The following TMEM94 variants were observed in gnomAD, a reference collection of about 807,000 sequenced individuals.
TMEM94 encodes transmembrane protein 94.
In TMEM94, 81 loss-of-function variants were observed where a neutral mutation model predicts 158.6. The ratio of observed to expected loss-of-function variants is 0.51; its 90% CI spans 0.43 to 0.61. The LOEUF is 0.61. TMEM94 is among the 20% of genes least tolerant of loss of function. TMEM94 has a pLI of 0.00. For missense variants in TMEM94, 1,435 were observed against 1,762.0 expected, an observed-to-expected ratio of 0.81 and a Z score of 3.32; for synonymous variants, 751 against 730.7, an observed-to-expected ratio of 1.03 and a Z score of -0.45.
intron 1 of TMEM94, among the ~76,000 whole-genome samples, chr17:75,464,965 C>G (rs2050251694): frequency 1.3e-5 from 2 of 151,934 alleles, no homozygotes; most frequent in African/African-American, 4.8e-5. Context: ...TCCCAAAGTG[C>G]TGGGATTACA....
chr17:75,459,257 A>T (rs2049992134), intron 1 of TMEM94, among the ~76,000 whole-genome samples: 1 of 152,162 alleles, frequency 6.6e-6, no homozygotes, highest in South Asian at 2.1e-4. Flanking sequence ...GGAGTAGTGC[A>T]ATGACCAGGG....
chr17:75,493,921 C>T lies in TMEM94; in HGVS notation c.2407+5C>T, dbSNP rs1378380667. ...GCAGCAGCTGGAGCTCTGACGGTAC[C>T]TCATGGGTCTGTCCAGCGGGGCTGG... On this transcript the variant is annotated splice_donor_5th_base_variant and intron_variant, in intron 18 of 31. Transcript: ENST00000314256. The T allele has an allele frequency of 6.2e-7, 1 of 1,609,816 alleles. No individual in the cohort carries two copies. The highest frequency in any genetic ancestry group is 8.5e-7 in the Non-Finnish European group (1 of 1,179,450).
intron 18 of TMEM94, among the ~76,000 whole-genome samples, 193 bp downstream of exon 18, chr17:75,494,109 T>A (rs2052468836): frequency 6.6e-6 from 1 of 152,192 alleles, no homozygotes; most frequent in African/African-American, 2.4e-5. Context: ...TCCTCCCTTA[T>A]CAGTGGGTGC....
rs1470540401 is a variant in TMEM94 at position 75,498,606 on chromosome 17, C to T, written c.3734-23C>T. On this transcript the variant is annotated intron_variant, in intron 29 of 31. Transcript: ENST00000314256. The surrounding 1 kb of genome is among the most constrained non-coding windows in gnomAD (Gnocchi z 6.7). ...GAGCCCCACTGTGGAAGTCTGACCC[C>T]CACATCGCCCCACCTTCCCCAGTCT... is the stretch of plus-strand genomic sequence containing the variant. The T allele has an allele frequency of 6.2e-7, 1 of 1,612,524 alleles. No individual in the cohort carries two copies. Among genetic ancestry groups the T allele is most frequent in the Non-Finnish European group, 8.5e-7 (1 of 1,179,340 alleles).
intron 2 of TMEM94, chr17:75,476,615 C>G: frequency 5.2e-6 from 8 of 1,526,436 alleles, no homozygotes; most frequent in Non-Finnish European, 7.0e-6. Flanking sequence ...CTCTCTCTCT[C>G]TTTTCACCCT....
chr17:75,489,036 G>A lies in TMEM94; in HGVS notation c.764+126G>A. 1.9e-6 allele frequency: 2 copies of A among 1,071,010 alleles called. No homozygotes were observed. The highest frequency in any genetic ancestry group is 2.7e-6 in the Non-Finnish European group (2 of 734,598). 66.3% of individuals were successfully genotyped at this position (1,071,010 alleles called of 1,614,324 possible). ...AGGGCAGGCATCTCCTTAGGCTCCTGTCCTTAACATCTTGTGAGAATTCTT... is the reference window on the plus strand; with the variant it reads ...AGGGCAGGCATCTCCTTAGGCTCCTATCCTTAACATCTTGTGAGAATTCTT... On this transcript the variant is annotated intron_variant, in intron 7 of 31. Coordinates refer to ENST00000314256, the MANE Select transcript of TMEM94 (RefSeq NM_014738.6). This position sits in a 1 kb window ranked among gnomAD's most constrained non-coding sequence, Gnocchi z 5.0.
chr17:75,478,704 A>T (rs1316420928), intron 2 of TMEM94, among the ~76,000 whole-genome samples: 1 of 152,146 alleles, frequency 6.6e-6, no homozygotes, highest in African/African-American at 2.4e-5. Flanking sequence ...ACTTCCTTAG[A>T]GCCGTGTTAT....
Position 75,499,256 on chromosome 17 carries a change from C to T in TMEM94, c.3999-6C>T, listed in dbSNP as rs371454090. 1.2e-5 allele frequency: 20 copies of T among 1,613,460 alleles called. No individual in the cohort carries two copies. The highest frequency in any genetic ancestry group is 1.7e-5 in the Admixed American group (1 of 59,990). ...CAACCTGTACTTTAATCTCCTGCCCCACCAGGGTCCGAGTCCGCTACCAGA... is the reference window on the plus strand; with the variant it reads ...CAACCTGTACTTTAATCTCCTGCCCTACCAGGGTCCGAGTCCGCTACCAGA... On this transcript the variant is annotated splice_polypyrimidine_tract_variant and splice_region_variant and intron_variant, in intron 31 of 31. Coordinates refer to ENST00000314256, the MANE Select transcript of TMEM94 (RefSeq NM_014738.6).
At position 75,498,832 on chromosome 17, in the gene TMEM94, C is replaced by T. The variant is rs554816769; in HGVS notation, c.3828-80C>T. 5 of 1,521,330 alleles carry T rather than the reference C, an allele frequency of 3.3e-6. No individual in the cohort carries two copies. The South Asian group carries it at 5.2e-5, about 16-fold the overall frequency. 94.2% of individuals were successfully genotyped at this position (1,521,330 alleles called of 1,614,324 possible). A position where few individuals can be genotyped will look rare whatever the true frequency, so the allele number is the denominator to read the frequency against. On this transcript the variant is annotated intron_variant, in intron 30 of 31. Transcript: ENST00000314256. This position sits in a 1 kb window ranked among gnomAD's most constrained non-coding sequence, Gnocchi z 6.7. ...GGCCAGTGGTTTAACTGTACCCTGC[C>T]TGAGCTAACTGTTGTACTGGGAAGA...
chr17:75,491,686 T>C lies in TMEM94; in HGVS notation c.1387-5T>C, dbSNP rs1333052236. 5.6e-6 allele frequency: 9 copies of C among 1,613,900 alleles called. No homozygotes were observed. The highest frequency in any genetic ancestry group is 2.2e-5 in the East Asian group (1 of 44,860). ...GTCCTAGCCTGTGCTCCTCATTCTC[T>C]TCAGCCCCATGAACGAGACGCCCTC... On this transcript the variant is annotated splice_region_variant and splice_polypyrimidine_tract_variant and intron_variant, in intron 13 of 31. Transcript: ENST00000314256. This position sits in a 1 kb window ranked among gnomAD's most constrained non-coding sequence, Gnocchi z 5.1.
At chr17:75,465,154 G>A (rs1235123918) in intron 1 of TMEM94, among the ~76,000 whole-genome samples, 1 of 151,878 alleles carries the variant, frequency 6.6e-6, no homozygotes, top group East Asian at 1.9e-4. Flanking sequence ...TCGTTCTAAT[G>A]GGTGTGTATT....
intron 24 of TMEM94, 61 bp from the exon 25 acceptor site, chr17:75,496,669 C>T: frequency 6.5e-7 from 1 of 1,536,212 alleles, no homozygotes; most frequent in Non-Finnish European, 9.0e-7. Flanking sequence ...AGTGTGTCAG[C>T]TGTTGGGCCT....
chr17:75,463,128 G>A (rs1348005791), intron 1 of TMEM94, among the ~76,000 whole-genome samples: 1 of 2,088 alleles, frequency 4.8e-4, no homozygotes, highest in East Asian at 1.7e-3. Flanking sequence ...ATATATATAC[G>A]TGTATATATG....
At chr17:75,471,009 C>A (rs1300436884) in intron 1 of TMEM94, among the ~76,000 whole-genome samples, 1 of 151,392 alleles carries the variant, frequency 6.6e-6, no homozygotes, top group South Asian at 2.1e-4. Context: ...GAGGCTGAGG[C>A]GGGTGGATCA....
At chr17:75,460,435 T>C (rs974982455) in intron 1 of TMEM94, among the ~76,000 whole-genome samples, 1 of 152,004 alleles carries the variant, frequency 6.6e-6, no homozygotes, top group African/African-American at 2.4e-5. Context: ...ACCTTCATTA[T>C]GTTGACGTGA....
intron 1 of TMEM94, among the ~76,000 whole-genome samples, 184 bp downstream of exon 1, chr17:75,456,935 A>G (rs1244410042): frequency 6.6e-6 from 1 of 152,076 alleles, no homozygotes; most frequent in Non-Finnish European, 1.5e-5. Flanking sequence ...GCTCTTGACC[A>G]TTGCCTTCCC....
chr17:75,480,106 A>G (rs1287577976), intron 2 of TMEM94, among the ~76,000 whole-genome samples: 3 of 151,814 alleles, frequency 2.0e-5, no homozygotes, highest in Admixed American at 1.3e-4. Flanking sequence ...AAAAAAAAAA[A>G]AGAGAAAAAG....
At position 75,491,971 on chromosome 17, in the gene TMEM94, T is replaced by C; in HGVS notation, c.1596+71T>C. 1 of 1,455,574 alleles carries C rather than the reference T, an allele frequency of 6.9e-7. No homozygotes were observed. The highest frequency in any genetic ancestry group is 1.2e-5 in the South Asian group (1 of 82,264). The allele number at this position is 1,455,574 out of a possible 1,614,324, so 90.2% of individuals were successfully genotyped here. ...GCTGTCCTGGCCTCCCTGGCCAGCC[T>C]GGCCTCACAAGGTCTGAAAGAGCAG... is the stretch of plus-strand genomic sequence containing the variant. On this transcript the variant is annotated intron_variant, in intron 14 of 31. Coordinates refer to ENST00000314256, the MANE Select transcript of TMEM94 (RefSeq NM_014738.6). This position sits in a 1 kb window ranked among gnomAD's most constrained non-coding sequence, Gnocchi z 5.1.
chr17:75,477,254 C>T (rs902586855), intron 2 of TMEM94, among the ~76,000 whole-genome samples: 4 of 152,208 alleles, frequency 2.6e-5, no homozygotes, highest in African/African-American at 9.7e-5. Flanking sequence ...AGCAGCTCTG[C>T]TCAAGGCTCT....
Sources: gnomAD v4.1 joint callset for allele counts (sites outside exome capture counted in the v4.1 genomes callset) on GRCh38, gnomAD v4.1.1 for gene constraint, Gnocchi (gnomAD v3.1) non-coding constraint, MANE v1.5 for transcripts, NCBI Gene and HGNC (gene_info 2026-07-23, HGNC 2026-07-21) for gene names.